Variants in GALNT14 observed in about 807,000 individuals in gnomAD.
GALNT14 encodes UDP-GalNAc:polypeptide N-acetylgalactosaminyltransferase 14.
In GALNT14, 60 loss-of-function variants were observed where a neutral mutation model predicts 77.5. The observed-to-expected ratio is 0.77, with a 90% CI of 0.63 to 0.96. GALNT14 has a LOEUF of 0.96. Among genes scored for constraint, GALNT14 ranks in the 40% least tolerant of loss-of-function variants. GALNT14 has a pLI of 0.00. For missense variants in GALNT14, 710 were observed against 731.0 expected (o/e 0.97, Z 0.33); for synonymous variants, 280 against 281.7 (o/e 0.99, Z 0.06).
intron 1 of GALNT14, chr2:31,114,695 C>CA: frequency 1.4e-6 from 1 of 705,398 alleles, no homozygotes. Flanking sequence ...GAAAAAGGAA[C>CA]AAATACAAAA....
chr2:31,015,164 C>A (rs1671274078), intron 1 of GALNT14, among the ~76,000 whole-genome samples: 1 of 152,008 alleles, frequency 6.6e-6, no homozygotes, highest in African/African-American at 2.4e-5. Context: ...TAGTGGTGCA[C>A]TCCTGTAATC....
chr2:30,909,190 A>G (rs1224245795), downstream of GALNT14, among the ~76,000 whole-genome samples: 1 of 151,002 alleles, frequency 6.6e-6, no homozygotes, highest in African/African-American at 2.4e-5. Context: ...AATGGCAACA[A>G]AAGCCAAAAT....
intron 1 of GALNT14, among the ~76,000 whole-genome samples, chr2:31,057,801 C>A (rs548617657): frequency 2.0e-5 from 3 of 152,158 alleles, no homozygotes; most frequent in Non-Finnish European, 4.4e-5. Context: ...CGCCCTGAGC[C>A]TGGGAAGCTG....
the GALNT14 span, among the ~76,000 whole-genome samples, chr2:30,904,924 C>G: frequency 1.3e-5 from 2 of 152,008 alleles, no homozygotes; most frequent in African/African-American, 4.8e-5. Flanking sequence ...AGCAGCCTAA[C>G]TGGGAGGCAC....
chr2:30,931,055 A>G (rs1665698168), intron 10 of GALNT14, among the ~76,000 whole-genome samples: 1 of 152,084 alleles, frequency 6.6e-6, no homozygotes, highest in Non-Finnish European at 1.5e-5. Flanking sequence ...GCTCACCTTT[A>G]CTTTTTAAAA....
At chr2:31,127,315 C>A (rs1047599669) in intron 1 of GALNT14, among the ~76,000 whole-genome samples, 1 of 152,176 alleles carries the variant, frequency 6.6e-6, no homozygotes. Context: ...TGCCACCTGT[C>A]CTAGTACATC....
At position 31,138,242 on chromosome 2, in the gene GALNT14, C is replaced by T; in HGVS notation, c.-156G>A. 1 of 906,758 alleles carries T rather than the reference C, an allele frequency of 1.1e-6. No individual in the cohort carries two copies. Among genetic ancestry groups the T allele is most frequent in the Non-Finnish European group, 1.6e-6 (1 of 606,798 alleles). 56.2% of individuals were successfully genotyped at this position (906,758 alleles called of 1,614,324 possible). On this transcript the variant is annotated 5_prime_UTR_variant, in exon 1 of 15. Coordinates refer to ENST00000349752, the MANE Select transcript of GALNT14 (RefSeq NM_024572.4). ...GGGCGGCAGGATCCTGCAAGGCGCC[C>T]TTCCCGCTTCGAAGAGAAGCGAGCC...
intron 9 of GALNT14, among the ~76,000 whole-genome samples, chr2:30,941,423 T>C (rs907757423): frequency 1.3e-5 from 2 of 152,186 alleles, no homozygotes; most frequent in African/African-American, 4.8e-5. Flanking sequence ...GGTGCCAAGA[T>C]TTTACACATT....
rs367700147 is a variant in GALNT14 at position 31,014,414 on chromosome 2, C to A, written c.130-21407G>T. Among the ~76,000 whole-genome samples the A allele has an allele frequency of 3.9e-5, 6 of 152,246 alleles. No homozygotes were observed. In the South Asian group the frequency reaches 8.3e-4, roughly 21 times the overall value. On this transcript the variant is annotated intron_variant, in intron 1 of 14. Coordinates refer to ENST00000349752, the MANE Select transcript of GALNT14 (RefSeq NM_024572.4). Reference sequence around the variant, plus strand: ...CCCTCCCACAGAGAGGCATTGGGCCCCCAGTTTCCAACCACACAGAGAGCA... The same window carrying A: ...CCCTCCCACAGAGAGGCATTGGGCCACCAGTTTCCAACCACACAGAGAGCA...
At chr2:31,054,909 A>G (rs1407265000) in intron 1 of GALNT14, among the ~76,000 whole-genome samples, 1 of 152,228 alleles carries the variant, frequency 6.6e-6, no homozygotes, top group East Asian at 1.9e-4. Context: ...AACACAGGAA[A>G]CCACGGAGCA....
At chr2:31,097,476 G>A (rs1392067668) in intron 1 of GALNT14, among the ~76,000 whole-genome samples, 1 of 151,390 alleles carries the variant, frequency 6.6e-6, no homozygotes, top group East Asian at 1.9e-4. Flanking sequence ...ATGAAGGCAA[G>A]GCAGACAAGG....
chr2:31,087,148 G>A (rs1676467709), intron 1 of GALNT14, among the ~76,000 whole-genome samples: 1 of 152,174 alleles, frequency 6.6e-6, no homozygotes, highest in East Asian at 1.9e-4. Flanking sequence ...AGAAGGCAAA[G>A]AGCATTCCAG....
chr2:30,943,198 T>A (rs1220769960), intron 8 of GALNT14, among the ~76,000 whole-genome samples: 1 of 152,174 alleles, frequency 6.6e-6, no homozygotes, highest in Non-Finnish European at 1.5e-5. Flanking sequence ...CCTAGCAAAC[T>A]CACACACCCT....
intron 1 of GALNT14, among the ~76,000 whole-genome samples, chr2:31,117,648 A>G (rs1302247369): frequency 6.6e-6 from 1 of 152,192 alleles, no homozygotes; most frequent in Non-Finnish European, 1.5e-5. Flanking sequence ...CTTTGGTAAA[A>G]TTTTAAAACC....
rs57080251 is a variant in GALNT14, at chr2:30,930,348, T to C, written c.1059-861A>G. Among the ~76,000 whole-genome samples, 1,507 of 152,350 alleles carry C rather than the reference T, an allele frequency of 9.9e-3. 16 individuals carry two copies. The highest frequency in any genetic ancestry group is 0.015 in the Non-Finnish European group (1,049 of 68,036). On this transcript the variant is annotated intron_variant, in intron 10 of 14. Transcript: ENST00000349752. ...AAGTGGGCACACACAGGTCTTCCCATAGGCCATGCAGTTAGCCTGCTGCAG... is the reference window on the plus strand; with the variant it reads ...AAGTGGGCACACACAGGTCTTCCCACAGGCCATGCAGTTAGCCTGCTGCAG...
chr2:31,130,208 G>A (rs1678906708), intron 1 of GALNT14, among the ~76,000 whole-genome samples: 1 of 152,224 alleles, frequency 6.6e-6, no homozygotes, highest in South Asian at 2.1e-4. Context: ...CAGGATGCAG[G>A]GGATCAGATG....
At chr2:30,933,454 T>C (rs991143956) in intron 9 of GALNT14, among the ~76,000 whole-genome samples, 3 of 152,144 alleles carry the variant, frequency 2.0e-5, no homozygotes, top group African/African-American at 7.2e-5. Context: ...TGCACCCTGC[T>C]CTCATTCCCC....
At chr2:31,125,128 C>G in intron 1 of GALNT14, 1 of 1,507,486 alleles carries the variant, frequency 6.6e-7, no homozygotes, top group Non-Finnish European at 9.0e-7. Context: ...GCACCTCACA[C>G]TCCTGGGGAC....
At chr2:31,130,234 C>T (rs529633454) in intron 1 of GALNT14, among the ~76,000 whole-genome samples, 2 of 152,318 alleles carry the variant, frequency 1.3e-5, no homozygotes, top group Admixed American at 1.3e-4. Flanking sequence ...GTATTCCCAG[C>T]GATAAGGGCT....
Sources: allele counts gnomAD v4.1 joint callset (sites outside exome capture counted in the v4.1 genomes callset), GRCh38; gene constraint gnomAD v4.1.1; transcripts MANE v1.5; gene names NCBI Gene and HGNC (gene_info 2026-07-23, HGNC 2026-07-21).